AATF: variants seen among roughly 807,000 people sequenced by gnomAD.
AATF encodes the protein protein AATF.
A neutral mutation model predicts 63.7 loss-of-function variants in AATF; 48 were observed. That is an observed-to-expected ratio of 0.75 (90% CI 0.60 to 0.96). The LOEUF (loss-of-function observed/expected upper bound fraction) is 0.96. Ranked by LOEUF, AATF falls within the 40% of genes least tolerant of loss-of-function variation. The pLI, the probability that AATF is intolerant of heterozygous loss-of-function variation, is 0.00. For synonymous variants in AATF, 258 were observed against 247.7 expected, an observed-to-expected ratio of 1.04 and a Z score of -0.39; for missense variants, 639 against 685.7, an observed-to-expected ratio of 0.93 and a Z score of 0.76.
At chr17:37,023,185 C>T (rs2071486017) in intron 10 of AATF, among the ~76,000 whole-genome samples, 1 of 152,150 alleles carries the variant, frequency 6.6e-6, no homozygotes, top group Non-Finnish European at 1.5e-5. Flanking sequence ...CTGGGCCTCA[C>T]TTTTCTCATT....
chr17:37,048,882 C>T (rs1292511676), intron 11 of AATF, among the ~76,000 whole-genome samples: 1 of 152,072 alleles, frequency 6.6e-6, no homozygotes, highest in East Asian at 1.9e-4. Flanking sequence ...GAATTTGGGT[C>T]GGGGAAAGCA....
At chr17:37,002,508 A>G (rs549498004) in intron 8 of AATF, among the ~76,000 whole-genome samples, 3 of 151,048 alleles carry the variant, frequency 2.0e-5, no homozygotes, top group Admixed American at 1.3e-4. Context: ...TCTACTAAAA[A>G]TACAAAAAAA....
intron 8 of AATF, among the ~76,000 whole-genome samples, chr17:37,011,090 G>A (rs2071386978): frequency 6.6e-6 from 1 of 152,206 alleles, no homozygotes; most frequent in African/African-American, 2.4e-5. Flanking sequence ...ATGTATGAGG[G>A]CCGGGTGTTG....
At chr17:36,955,900 C>T (rs985924825) in intron 4 of AATF, among the ~76,000 whole-genome samples, 1 of 152,076 alleles carries the variant, frequency 6.6e-6, no homozygotes, top group Non-Finnish European at 1.5e-5. Context: ...GTAGCTGGTA[C>T]TACAGGCATG....
At chr17:37,054,648 T>C (rs1405878960) in intron 11 of AATF, 2 of 152,216 alleles carry the variant, frequency 1.3e-5, no homozygotes, top group Admixed American at 6.5e-5. Context: ...CTGCGGACAG[T>C]AACTGCTGCC....
chr17:37,031,544 A>C lies in AATF; in HGVS notation c.1548-70A>C, dbSNP rs907375214. The C allele has an allele frequency of 8.5e-5, 107 of 1,262,372 alleles. 2 individuals are homozygous for C. In the South Asian group the frequency reaches 1.2e-3, roughly 15 times the overall value. The allele number at this position is 1,262,372 out of a possible 1,614,324, so 78.2% of individuals were successfully genotyped here. A position where few individuals can be genotyped will look rare whatever the true frequency, so the allele number is the denominator to read the frequency against. On this transcript the variant is annotated intron_variant, in intron 10 of 11. Coordinates refer to ENST00000619387, the MANE Select transcript of AATF (RefSeq NM_012138.4). ...GATCAGTTCTGGAGTTTGTTAACTC[A>C]CTGAATGTGTTTCCTCTCCTAGGTT...
rs554691802 is a variant in AATF at position 37,022,932 on chromosome 17, C to G, written c.1547+1918C>G. ...CGTCTCTTCCGTACCTGTCTCCCCCCAGCCCCCTTCAAGGATTTAAAGAAA... is the reference window on the plus strand; with the variant it reads ...CGTCTCTTCCGTACCTGTCTCCCCCGAGCCCCCTTCAAGGATTTAAAGAAA... On this transcript the variant is annotated intron_variant, in intron 10 of 11. Transcript: ENST00000619387. Among the ~76,000 whole-genome samples the G allele has an allele frequency of 3.3e-5, 5 of 152,304 alleles. No homozygotes were observed. In the South Asian group the frequency reaches 8.3e-4, roughly 25 times the overall value.
At chr17:36,999,999 T>C (rs1223412873) in intron 8 of AATF, 5 of 152,228 alleles carry the variant, frequency 3.3e-5, no homozygotes, top group African/African-American at 1.2e-4. Flanking sequence ...TGTAGCACTT[T>C]GATGTGGCTG....
chr17:36,968,556 G>A lies in AATF; in HGVS notation c.832+14649G>A, dbSNP rs113076483. ...TTCTCAAAGCACTGGGATTATAGGC[G>A]TAAGCTACCGTGGATGGCCTCTTCT... On this transcript the variant is annotated intron_variant, in intron 4 of 11. Coordinates refer to ENST00000619387, the MANE Select transcript of AATF (RefSeq NM_012138.4). 4.5e-3 allele frequency among the ~76,000 whole-genome samples: 678 copies of A among 151,776 alleles called. 7 individuals are homozygous for A. Among genetic ancestry groups the A allele is most frequent in the African/African-American group, 0.016 (649 of 41,442 alleles).
intron 11 of AATF, chr17:37,034,965 A>G (rs1218809044): frequency 6.6e-6 from 1 of 151,784 alleles, no homozygotes; most frequent in African/African-American, 2.4e-5. Flanking sequence ...TTCTACTAAA[A>G]ATACAAAAAA....
chr17:36,955,173 G>A lies in AATF; in HGVS notation c.832+1266G>A, dbSNP rs72826138. On this transcript the variant is annotated intron_variant, in intron 4 of 11. Transcript: ENST00000619387. ...GTATCATGGAGTTAGAGTTGGAAGG[G>A]ACCTGAGGAGGATATCTAATTTGGC... 2.0e-3 allele frequency among the ~76,000 whole-genome samples: 302 copies of A among 152,290 alleles called. 1 individual carries two copies. The highest frequency in any genetic ancestry group is 3.8e-3 in the Non-Finnish European group (258 of 68,024).
At chr17:36,956,566 G>A (rs896129980) in intron 4 of AATF, among the ~76,000 whole-genome samples, 7 of 152,048 alleles carry the variant, frequency 4.6e-5, no homozygotes, top group Admixed American at 1.3e-4. Flanking sequence ...TCAGCTACTC[G>A]GGAGGCTGAG....
intron 4 of AATF, among the ~76,000 whole-genome samples, chr17:36,973,592 G>A (rs2071056525): frequency 6.6e-6 from 1 of 152,200 alleles, no homozygotes; most frequent in Non-Finnish European, 1.5e-5. Context: ...ATGTCCTTCA[G>A]TTTTTCTAAA....
intron 8 of AATF, among the ~76,000 whole-genome samples, chr17:37,004,801 G>T (rs1363699989): frequency 6.6e-6 from 1 of 152,190 alleles, no homozygotes; most frequent in Admixed American, 6.5e-5. Context: ...GCACTGTCAG[G>T]TAGCCTAAAA....
chr17:36,957,407 A>G (rs1421809997), intron 4 of AATF, among the ~76,000 whole-genome samples: 2 of 152,220 alleles, frequency 1.3e-5, no homozygotes, highest in African/African-American at 2.4e-5. Context: ...ATCACTCAAT[A>G]GTTATCAGTG....
At chr17:37,006,443 TG>T (rs1331942487) in intron 8 of AATF, among the ~76,000 whole-genome samples, 2 of 152,134 alleles carry the variant, frequency 1.3e-5, no homozygotes, top group Admixed American at 1.3e-4. Flanking sequence ...CACTCCAGCC[TG>T]GGCAACAAGA....
chr17:37,002,163 C>T (rs1369434744), intron 8 of AATF, among the ~76,000 whole-genome samples: 1 of 145,296 alleles, frequency 6.9e-6, no homozygotes, highest in African/African-American at 2.6e-5. Flanking sequence ...GATAGCACCA[C>T]TGCACTCCAG....
rs1324896577 is a variant in AATF, at chr17:36,988,659, G to C, written c.1088G>C (p.Arg363Thr). The C allele has an allele frequency of 1.9e-6, 3 of 1,614,136 alleles. No homozygotes were observed. Among genetic ancestry groups the C allele is most frequent in the Non-Finnish European group, 2.5e-6 (3 of 1,180,008 alleles). The change falls in exon 6 of 12, where the codon AGG (arginine) becomes ACG (threonine). Residue 363 changes from arginine to threonine, a missense_variant. Arg to Thr is a moderately conservative substitution (Grantham distance 71). Coordinates refer to ENST00000619387, the MANE Select transcript of AATF (RefSeq NM_012138.4). ...CGCTTTGCCGACTTTACAGTCTACA[G>C]GAACCGCACACTTCAGAAATGGCAC... ...AKRFADFTVY[R>T]NRTLQKWHDK...
At chr17:37,000,592 G>A (rs182004751) in intron 8 of AATF, among the ~76,000 whole-genome samples, 1 of 152,224 alleles carries the variant, frequency 6.6e-6, no homozygotes, top group Admixed American at 6.5e-5. Flanking sequence ...GGAGTTCATG[G>A]GAAGGTCCAG....
Sources: gnomAD v4.1 joint callset for allele counts (sites outside exome capture counted in the v4.1 genomes callset) on GRCh38, gnomAD v4.1.1 for gene constraint, MANE v1.5 for transcripts, NCBI Gene and HGNC (gene_info 2026-07-23, HGNC 2026-07-21) for gene names.